Variants in PIEZO2 observed in about 807,000 individuals in gnomAD.
PIEZO2 encodes piezo type mechanosensitive ion channel component 2.
Under a neutral mutation model 337.3 loss-of-function variants are expected in PIEZO2, and 172 were observed. The ratio of observed to expected loss-of-function variants is 0.51; its 90% CI spans 0.45 to 0.58. The LOEUF (loss-of-function observed/expected upper bound fraction) is 0.58, where lower values mean the gene tolerates loss of function less well. Among genes scored for constraint, PIEZO2 ranks in the 20% least tolerant of loss-of-function variants. PIEZO2 has a pLI of 0.00. For missense variants in PIEZO2, 3,028 were observed against 3,391.3 expected, an observed-to-expected ratio of 0.89 and a Z score of 2.66; for synonymous variants, 1,251 against 1,228.5, an observed-to-expected ratio of 1.02 and a Z score of -0.38.
intron 4 of PIEZO2, among the ~76,000 whole-genome samples, chr18:10,886,378 G>GTATATATATA (rs1214519492): frequency 1.6e-3 from 5 of 3,180 alleles, no homozygotes; most frequent in Non-Finnish European, 2.4e-3. Flanking sequence ...ATGTGTGTGT[G>GTATATATATA]TGTATATATA....
chr18:10,742,780 T>C (rs2037274851), intron 31 of PIEZO2, among the ~76,000 whole-genome samples, 165 bp from the exon 32 acceptor site: 1 of 145,058 alleles, frequency 6.9e-6, no homozygotes, highest in Non-Finnish European at 1.5e-5. Flanking sequence ...AAGGATCTCC[T>C]TTCTTTTATA....
chr18:11,090,842 G>A (rs890772389), intron 1 of PIEZO2, among the ~76,000 whole-genome samples: 46 of 151,528 alleles, frequency 3.0e-4, no homozygotes, highest in African/African-American at 1.1e-3. Context: ...GAACCCGGGG[G>A]GGCAAAGCTT....
Position 10,955,727 on chromosome 18 carries a change from A to G in PIEZO2, c.286+23808T>C, listed in dbSNP as rs549984875. 2.6e-5 allele frequency among the ~76,000 whole-genome samples: 4 copies of G among 152,126 alleles called. No individual in the cohort carries two copies. In the East Asian group the frequency reaches 7.7e-4, roughly 29 times the overall value. ...TTATATAAAATTTTAAGTACAGAGA[A>G]CTCCAATATTTCATTTTTATATTTT... is the stretch of plus-strand genomic sequence containing the variant. On this transcript the variant is annotated intron_variant, in intron 3 of 55. Coordinates refer to ENST00000674853, the MANE Select transcript of PIEZO2 (RefSeq NM_001378183.1).
rs1008611763 is a variant in PIEZO2 at position 10,861,441 on chromosome 18, G to A, written c.493-4230C>T. 9.9e-5 allele frequency among the ~76,000 whole-genome samples: 15 copies of A among 152,178 alleles called. No individual in the cohort carries two copies. The highest frequency in any genetic ancestry group is 2.1e-4 in the Non-Finnish European group (14 of 68,024). On this transcript the variant is annotated intron_variant, in intron 5 of 55. Transcript: ENST00000674853. This position sits in a 1 kb window ranked among gnomAD's most constrained non-coding sequence, Gnocchi z 4.3. ...GTTTATGATTTTAACAGGAAATCTT[G>A]TTATTTGCAACAACATGCATAAATC...
intron 7 of PIEZO2, among the ~76,000 whole-genome samples, chr18:10,829,211 AAGT>A (rs1358851963): frequency 1.3e-5 from 2 of 152,168 alleles, no homozygotes; most frequent in Non-Finnish European, 2.9e-5. Context: ...GTGTTTCTCA[AAGT>A]AGGATATTTT....
At position 11,121,158 on chromosome 18, in the gene PIEZO2, A is replaced by T. The variant is rs1014819970; in HGVS notation, c.64+27367T>A. ...GTTCCACCTACTCGGGAGGCTAGGC[A>T]TGAGAACTGCTTGAATCCAGGAGGT... is the stretch of plus-strand genomic sequence containing the variant. On this transcript the variant is annotated intron_variant, in intron 1 of 55. Coordinates refer to ENST00000674853, the MANE Select transcript of PIEZO2 (RefSeq NM_001378183.1). 3.3e-5 allele frequency among the ~76,000 whole-genome samples: 5 copies of T among 152,298 alleles called. No homozygotes were observed. In the South Asian group the frequency reaches 8.3e-4, roughly 25 times the overall value.
At chr18:11,076,808 T>C (rs1281242695) in intron 1 of PIEZO2, among the ~76,000 whole-genome samples, 1 of 152,244 alleles carries the variant, frequency 6.6e-6, no homozygotes, top group East Asian at 1.9e-4. Context: ...CTGAGTTTTC[T>C]AAATTCATCC....
intron 1 of PIEZO2, among the ~76,000 whole-genome samples, chr18:11,090,983 A>G (rs936785523): frequency 3.9e-5 from 6 of 152,248 alleles, no homozygotes; most frequent in African/African-American, 1.4e-4. Flanking sequence ...ACATTTGCAT[A>G]GAGAAGACCA....
rs1020120475 is a variant in PIEZO2 at position 11,141,971 on chromosome 18, T to A, written c.64+6554A>T. Among the ~76,000 whole-genome samples, 3 of 152,298 alleles carry A rather than the reference T, an allele frequency of 2.0e-5. No homozygotes were observed. In the South Asian group the frequency reaches 6.2e-4, roughly 32 times the overall value. ...AAATCCATCCCTTTTTTATAAAATATATTTATAATTTGCAAGTTCATATAC... is the reference window on the plus strand; with the variant it reads ...AAATCCATCCCTTTTTTATAAAATAAATTTATAATTTGCAAGTTCATATAC... On this transcript the variant is annotated intron_variant, in intron 1 of 55. Transcript: ENST00000674853.
chr18:11,113,600 G>A (rs936267644), intron 1 of PIEZO2, among the ~76,000 whole-genome samples: 4 of 152,112 alleles, frequency 2.6e-5, no homozygotes, highest in African/African-American at 7.2e-5. Context: ...GGAGGCCCTC[G>A]CAGGTATCAT....
In PIEZO2 at chr18:10,791,128, T is replaced by C. The variant is rs1342345099; in HGVS notation, c.1882+73A>G. The C allele has an allele frequency of 2.0e-5, 28 of 1,376,376 alleles. 2 individuals are homozygous for C. In the South Asian group the frequency reaches 3.5e-4, roughly 17 times the overall value. The allele number at this position is 1,376,376 out of a possible 1,614,324, so 85.3% of individuals were successfully genotyped here. A position where few individuals can be genotyped will look rare whatever the true frequency, so the allele number is the denominator to read the frequency against. On this transcript the variant is annotated intron_variant, in intron 14 of 55. Coordinates refer to ENST00000674853, the MANE Select transcript of PIEZO2 (RefSeq NM_001378183.1). ...TTTCATTTATTCTGAAGCTGTCTGA[T>C]GTATTTTGGGGCTCTTTCTCTGTAA...
intron 2 of PIEZO2, among the ~76,000 whole-genome samples, chr18:10,997,600 A>T (rs1447842509): frequency 6.6e-6 from 1 of 152,220 alleles, no homozygotes; most frequent in Non-Finnish European, 1.5e-5. Flanking sequence ...AAATATTAAC[A>T]ACAGAAAAAA....
In PIEZO2 at chr18:11,069,736, AT is replaced by A. The variant is rs1167405145; in HGVS notation, c.65-3515del. Among the ~76,000 whole-genome samples, 1 of 152,220 alleles carries A rather than the reference AT, an allele frequency of 6.6e-6. No homozygotes were observed. The highest frequency in any genetic ancestry group is 1.5e-5 in the Non-Finnish European group (1 of 68,040). The stretch of plus-strand genomic sequence containing the variant: ...AATTGGAAAGGAAGAGGCAAAGCAA[AT>A]TTGTGTTTGCAGATGACATGATCTT... On this transcript the variant is annotated intron_variant, in intron 1 of 55. Coordinates refer to ENST00000674853, the MANE Select transcript of PIEZO2 (RefSeq NM_001378183.1). The surrounding 1 kb of genome is among the most constrained non-coding windows in gnomAD (Gnocchi z 4.9).
chr18:10,715,545 TG>T, intron 38 of PIEZO2, 104 bp downstream of exon 38: 1 of 1,092,464 alleles, frequency 9.2e-7, no homozygotes, highest in Non-Finnish European at 1.2e-6. Context: ...CACAACTGCC[TG>T]GAAAGAAAGG....
In PIEZO2 at chr18:10,767,183, T is replaced by A. The variant is rs2038400617; in HGVS notation, c.2946+2965A>T. 6.6e-6 allele frequency among the ~76,000 whole-genome samples: 1 copy of A among 152,144 alleles called. No homozygotes were observed. Among genetic ancestry groups the A allele is most frequent in the South Asian group, 2.1e-4 (1 of 4,824 alleles). On this transcript the variant is annotated intron_variant, in intron 21 of 55. Coordinates refer to ENST00000674853, the MANE Select transcript of PIEZO2 (RefSeq NM_001378183.1). The surrounding 1 kb of genome is among the most constrained non-coding windows in gnomAD (Gnocchi z 4.2). ...TATTTCAAAAGGAGGAGAAAATGTTTATGTATACTATATATATATTTAAAT... is the reference window on the plus strand; with the variant it reads ...TATTTCAAAAGGAGGAGAAAATGTTAATGTATACTATATATATATTTAAAT...
chr18:10,734,666 T>C (rs1446127186), intron 35 of PIEZO2, among the ~76,000 whole-genome samples: 1 of 152,206 alleles, frequency 6.6e-6, no homozygotes, highest in East Asian at 1.9e-4. Flanking sequence ...CAACAAATAA[T>C]TTTTGACAGT....
Position 11,092,913 on chromosome 18 carries a change from G to T in PIEZO2, c.65-26691C>A, listed in dbSNP as rs1175839105. ...CTCAAGAACTGTTCTCAAAAAATTGGCTTAATATGCACGTAAAGTGTTCTT... is the reference window on the plus strand; with the variant it reads ...CTCAAGAACTGTTCTCAAAAAATTGTCTTAATATGCACGTAAAGTGTTCTT... On this transcript the variant is annotated intron_variant, in intron 1 of 55. Coordinates refer to ENST00000674853, the MANE Select transcript of PIEZO2 (RefSeq NM_001378183.1). This position sits in a 1 kb window ranked among gnomAD's most constrained non-coding sequence, Gnocchi z 4.5. 6.6e-6 allele frequency among the ~76,000 whole-genome samples: 1 copy of T among 152,070 alleles called. No homozygotes were observed. The highest frequency in any genetic ancestry group is 1.5e-5 in the Non-Finnish European group (1 of 68,040).
In PIEZO2 at chr18:10,897,311, C is replaced by T. The variant is rs57311094; in HGVS notation, c.329+13875G>A. 1.4e-3 allele frequency among the ~76,000 whole-genome samples: 218 copies of T among 152,192 alleles called. 1 individual carries two copies. The highest frequency in any genetic ancestry group is 5.2e-3 in the African/African-American group (214 of 41,526). On this transcript the variant is annotated intron_variant, in intron 4 of 55. Coordinates refer to ENST00000674853, the MANE Select transcript of PIEZO2 (RefSeq NM_001378183.1). ...AAGCGATTCTCCTGCCTCAGCCTCCCGAGTAGCTGGTATTACAGGTGCCCA... is the reference window on the plus strand; with the variant it reads ...AAGCGATTCTCCTGCCTCAGCCTCCTGAGTAGCTGGTATTACAGGTGCCCA...
chr18:10,879,677 G>T (rs985301100), intron 4 of PIEZO2, among the ~76,000 whole-genome samples: 2 of 152,124 alleles, frequency 1.3e-5, no homozygotes, highest in African/African-American at 4.8e-5. Context: ...TTACAGGCGT[G>T]AGCCACCGTG....
Sources: gnomAD v4.1 joint callset for allele counts (sites outside exome capture counted in the v4.1 genomes callset) on GRCh38, gnomAD v4.1.1 for gene constraint, Gnocchi (gnomAD v3.1) non-coding constraint, MANE v1.5 for transcripts, NCBI Gene and HGNC (gene_info 2026-07-23, HGNC 2026-07-21) for gene names.